CDH4: variants seen among roughly 807,000 people sequenced by gnomAD.
CDH4 encodes cadherin 4, also known as cadherin-4.
A neutral mutation model predicts 86.0 loss-of-function variants in CDH4; 33 were observed. The observed-to-expected ratio is 0.38, with a 90% CI of 0.29 to 0.51. CDH4 has a LOEUF of 0.51. Among genes scored for constraint, CDH4 ranks in the 20% least tolerant of loss-of-function variants. The pLI, the probability that CDH4 is intolerant of heterozygous loss-of-function variation, is 0.86. For missense variants in CDH4, 1,114 were observed against 1,307.4 expected (o/e 0.85, Z 2.28); for synonymous variants, 555 against 549.4 (o/e 1.01, Z -0.14).
At chr20:61,891,681 C>G (rs927418818) in intron 7 of CDH4, among the ~76,000 whole-genome samples, 2 of 152,192 alleles carry the variant, frequency 1.3e-5, no homozygotes, top group African/African-American at 4.8e-5. Flanking sequence ...CCCATGTAGG[C>G]TGGGCCTGGT....
intron 2 of CDH4, among the ~76,000 whole-genome samples, chr20:61,629,020 G>A (rs558570747): frequency 3.9e-5 from 6 of 152,354 alleles, no homozygotes; most frequent in African/African-American, 7.2e-5. Context: ...AAGGCATCTC[G>A]CAAGCTTCCC....
intron 2 of CDH4, among the ~76,000 whole-genome samples, chr20:61,634,509 G>A (rs1281434938): frequency 5.3e-5 from 8 of 152,112 alleles, no homozygotes; most frequent in Non-Finnish European, 1.2e-4. Flanking sequence ...CAGAGGCTGC[G>A]GGGCAGGACC....
At position 61,649,400 on chromosome 20, in the gene CDH4, A is replaced by G. The variant is rs148986226; in HGVS notation, c.170-94163A>G. 9.5e-3 allele frequency among the ~76,000 whole-genome samples: 1,453 copies of G among 152,304 alleles called. 16 individuals carry two copies. Among genetic ancestry groups the G allele is most frequent in the Middle Eastern group, 0.021 (6 of 292 alleles). On this transcript the variant is annotated intron_variant, in intron 2 of 15. Coordinates refer to ENST00000614565, the MANE Select transcript of CDH4 (RefSeq NM_001794.5). Reference sequence around the variant, plus strand: ...ATAGATCTTCCTCTAAACCCTTTGTACTTTCTCCCTCACTTCTTTTTAAAC... The same window carrying G: ...ATAGATCTTCCTCTAAACCCTTTGTGCTTTCTCCCTCACTTCTTTTTAAAC...
chr20:61,571,395 T>C (rs1372253859), intron 2 of CDH4, among the ~76,000 whole-genome samples: 1 of 152,180 alleles, frequency 6.6e-6, no homozygotes, highest in Non-Finnish European at 1.5e-5. Flanking sequence ...GAGCATCTCC[T>C]TGATGCCCAG....
intron 2 of CDH4, among the ~76,000 whole-genome samples, chr20:61,360,323 G>A (rs2084776766): frequency 6.6e-6 from 1 of 152,254 alleles, no homozygotes; most frequent in African/African-American, 2.4e-5. Flanking sequence ...GACCCAAGAA[G>A]TAGAAGAGGT....
intron 2 of CDH4, among the ~76,000 whole-genome samples, chr20:61,378,921 C>T (rs2084885673): frequency 6.6e-6 from 1 of 152,128 alleles, no homozygotes; most frequent in Non-Finnish European, 1.5e-5. Context: ...GACATTAGTC[C>T]AGTCCACAGA....
At chr20:61,472,595 C>A (rs576236409) in intron 2 of CDH4, among the ~76,000 whole-genome samples, 2 of 151,990 alleles carry the variant, frequency 1.3e-5, no homozygotes, top group Non-Finnish European at 2.9e-5. Flanking sequence ...ACCTTATAAC[C>A]CACTATTTTA....
chr20:61,316,036 G>T (rs796865348), intron 2 of CDH4, among the ~76,000 whole-genome samples: 11 of 152,274 alleles, frequency 7.2e-5, no homozygotes, highest in African/African-American at 2.6e-4. Context: ...GGCACTGAGG[G>T]GCTCTCCAGG....
intron 2 of CDH4, among the ~76,000 whole-genome samples, chr20:61,601,152 G>C (rs1253581437): frequency 6.6e-6 from 1 of 152,176 alleles, no homozygotes; most frequent in East Asian, 1.9e-4. Context: ...AGAGGCCTCA[G>C]GGAGCTTTTA....
chr20:61,697,720 T>C (rs771474757), intron 2 of CDH4, among the ~76,000 whole-genome samples: 5 of 152,092 alleles, frequency 3.3e-5, no homozygotes, highest in Non-Finnish European at 5.9e-5. Context: ...GGGCCCTCCC[T>C]GGAGGTGTAT....
intron 9 of CDH4, among the ~76,000 whole-genome samples, chr20:61,916,512 A>G (rs1196931669): frequency 2.0e-5 from 3 of 152,266 alleles, no homozygotes; most frequent in Admixed American, 1.3e-4. Flanking sequence ...TGCTGTCGTC[A>G]TCATAACCAT....
chr20:61,842,538 TA>T (rs990582798), intron 4 of CDH4, among the ~76,000 whole-genome samples: 12 of 152,262 alleles, frequency 7.9e-5, no homozygotes, highest in African/African-American at 2.9e-4. Flanking sequence ...AGTCAAGTTT[TA>T]AATTGTATAT....
chr20:61,922,107 T>C (rs1217599649), intron 9 of CDH4, among the ~76,000 whole-genome samples: 2 of 152,234 alleles, frequency 1.3e-5, no homozygotes, highest in Non-Finnish European at 2.9e-5. Flanking sequence ...CAGCCCACCA[T>C]TGCTGATGGA....
chr20:61,366,894 G>A (rs372396933), intron 2 of CDH4, among the ~76,000 whole-genome samples: 14 of 152,336 alleles, frequency 9.2e-5, no homozygotes, highest in East Asian at 5.8e-4. Context: ...GAAGAAAAAC[G>A]GTAAAGGAAG....
Position 61,739,321 on chromosome 20 carries a change from C to A in CDH4, c.170-4242C>A, listed in dbSNP as rs368442356. On this transcript the variant is annotated intron_variant, in intron 2 of 15. Transcript: ENST00000614565. ...CCCTCAGCCTGATGGGAGCCCCGGACCAGCCTGGGGAGGCTTTGCCCCTAC... is the reference window on the plus strand; with the variant it reads ...CCCTCAGCCTGATGGGAGCCCCGGAACAGCCTGGGGAGGCTTTGCCCCTAC... Among the ~76,000 whole-genome samples, 11 of 152,322 alleles carry A rather than the reference C, an allele frequency of 7.2e-5. 1 individual carries two copies. The South Asian group carries it at 1.9e-3, about 26-fold the overall frequency.
intron 2 of CDH4, among the ~76,000 whole-genome samples, chr20:61,566,489 T>G (rs957809807): frequency 1.3e-5 from 2 of 152,028 alleles, no homozygotes; most frequent in African/African-American, 4.8e-5. Context: ...AACGCTCATT[T>G]TTATTAACCC....
At chr20:61,444,222 GTC>G (rs1455032075) in intron 2 of CDH4, among the ~76,000 whole-genome samples, 2 of 11,088 alleles carry the variant, frequency 1.8e-4, no homozygotes, top group African/African-American at 6.3e-4. Context: ...ATATGGCTGT[GTC>G]TCTCTTTGTG....
At chr20:61,927,380 C>T (rs565891334) in intron 11 of CDH4, among the ~76,000 whole-genome samples, 1 of 152,278 alleles carries the variant, frequency 6.6e-6, no homozygotes, top group South Asian at 2.1e-4. Context: ...CCCTGAGGAG[C>T]TCTGGGGGCT....
At chr20:61,461,243 C>G (rs2085440234) in intron 2 of CDH4, among the ~76,000 whole-genome samples, 1 of 151,940 alleles carries the variant, frequency 6.6e-6, no homozygotes, top group African/African-American at 2.4e-5. Context: ...GGTGCATCAG[C>G]AAGAAAGACA....
Sources: allele counts gnomAD v4.1 joint callset (sites outside exome capture counted in the v4.1 genomes callset), GRCh38; gene constraint gnomAD v4.1.1; transcripts MANE v1.5; gene names NCBI Gene and HGNC (gene_info 2026-07-23, HGNC 2026-07-21).